The following NEO1 variants were observed in gnomAD, a reference collection of about 807,000 sequenced individuals.
NEO1 encodes neogenin.
Under a neutral mutation model 159.7 loss-of-function variants are expected in NEO1, and 63 were observed. The ratio of observed to expected loss-of-function variants is 0.39; its 90% CI spans 0.32 to 0.49. The LOEUF is 0.49. Ranked by LOEUF, NEO1 falls within the 20% of genes least tolerant of loss-of-function variation. The pLI is 0.85. For synonymous variants in NEO1, 633 were observed against 662.0 expected, an observed-to-expected ratio of 0.96 and a Z score of 0.67; for missense variants, 1,615 against 1,831.0, an observed-to-expected ratio of 0.88 and a Z score of 2.15.
At position 73,288,927 on chromosome 15, in the gene NEO1, A is replaced by G. The variant is rs985629130; in HGVS notation, c.3650-219A>G. 4 of 569,396 alleles carry G rather than the reference A, an allele frequency of 7.0e-6. No individual in the cohort carries two copies. In the East Asian group the frequency reaches 1.2e-4, roughly 17 times the overall value. The allele number at this position is 569,396 out of a possible 1,614,324, so 35.3% of individuals were successfully genotyped here. On this transcript the variant is annotated intron_variant, in intron 24 of 28. Transcript: ENST00000261908. ...GGAGGCTCTTATAGACACCCTGTGA[A>G]GTATGGTGGGCAGCATTGTGACATC...
At chr15:73,060,985 C>CA (rs1202115175) in intron 1 of NEO1, among the ~76,000 whole-genome samples, 3 of 152,190 alleles carry the variant, frequency 2.0e-5, no homozygotes, top group Non-Finnish European at 4.4e-5. Context: ...ACATAGGACT[C>CA]AACCATTATG....
chr15:73,239,442 T>C (rs1230054188), intron 8 of NEO1, among the ~76,000 whole-genome samples: 3 of 152,214 alleles, frequency 2.0e-5, no homozygotes, highest in South Asian at 4.1e-4. Context: ...ACTATGTAAA[T>C]ATCCACTGAT....
chr15:73,087,571 T>A (rs2069435058), intron 1 of NEO1, among the ~76,000 whole-genome samples: 1 of 152,164 alleles, frequency 6.6e-6, no homozygotes, highest in African/African-American at 2.4e-5. Context: ...TCATGTGGAA[T>A]GTTATTTCTT....
chr15:73,287,510 A>C (rs985985426), intron 23 of NEO1, among the ~76,000 whole-genome samples: 2 of 152,212 alleles, frequency 1.3e-5, no homozygotes, highest in Non-Finnish European at 2.9e-5. Flanking sequence ...TGAATGGAGA[A>C]GCTAAAACAC....
chr15:73,154,034 G>A (rs960925078), intron 5 of NEO1, among the ~76,000 whole-genome samples: 3 of 151,980 alleles, frequency 2.0e-5, no homozygotes, highest in African/African-American at 7.3e-5. Context: ...TACATTATAT[G>A]GATATACCTG....
intron 25 of NEO1, among the ~76,000 whole-genome samples, chr15:73,289,685 A>G (rs995613675): frequency 1.3e-5 from 2 of 152,198 alleles, no homozygotes; most frequent in Admixed American, 1.3e-4. Context: ...GCCCACACCT[A>G]TAATCCTAGA....
chr15:73,132,295 C>A (rs1055378673), intron 4 of NEO1, among the ~76,000 whole-genome samples: 1 of 152,176 alleles, frequency 6.6e-6, no homozygotes, highest in African/African-American at 2.4e-5. Context: ...ATCTTTTGCT[C>A]TTTAATTCTG....
At chr15:73,071,866 C>T (rs371492033) in intron 1 of NEO1, among the ~76,000 whole-genome samples, 2 of 151,902 alleles carry the variant, frequency 1.3e-5, no homozygotes. Context: ...AAACAATTGC[C>T]GTTCTCTGAA....
At chr15:73,298,864 T>C (rs1596654041) in intron 27 of NEO1, among the ~76,000 whole-genome samples, 1 of 152,318 alleles carries the variant, frequency 6.6e-6, no homozygotes, top group East Asian at 1.9e-4. Context: ...GAATTGTGTT[T>C]TATGTGCAGC....
intron 4 of NEO1, among the ~76,000 whole-genome samples, chr15:73,133,156 T>C (rs2031339688): frequency 1.3e-5 from 2 of 151,942 alleles, no homozygotes; most frequent in South Asian, 2.1e-4. Context: ...GATGAGTGAA[T>C]AAAGAAATTG....
intron 7 of NEO1, among the ~76,000 whole-genome samples, chr15:73,197,018 C>T (rs897184648): frequency 9.9e-5 from 15 of 152,112 alleles, no homozygotes; most frequent in African/African-American, 3.6e-4. Context: ...ATTCATTAAA[C>T]GCTTACCTAA....
chr15:73,197,660 T>TACTG (rs1292858995), intron 7 of NEO1, among the ~76,000 whole-genome samples: 3 of 150,990 alleles, frequency 2.0e-5, no homozygotes, highest in African/African-American at 7.3e-5. Flanking sequence ...TTTTGTCTGA[T>TACTG]ACTGACATTA....
At chr15:73,157,083 T>A (rs1277672869) in intron 5 of NEO1, among the ~76,000 whole-genome samples, 1 of 152,176 alleles carries the variant, frequency 6.6e-6, no homozygotes, top group Admixed American at 6.5e-5. Flanking sequence ...GATCAGCCTG[T>A]TCAGTCATGG....
chr15:73,253,330 A>C, intron 11 of NEO1, 70 bp from the exon 12 acceptor site: 1 of 887,742 alleles, frequency 1.1e-6, no homozygotes, highest in Non-Finnish European at 1.7e-6. Flanking sequence ...AGTCCAGCCA[A>C]GATGATCACA....
chr15:73,209,267 T>C (rs1238029286), intron 7 of NEO1, among the ~76,000 whole-genome samples: 3 of 152,242 alleles, frequency 2.0e-5, no homozygotes, highest in Non-Finnish European at 4.4e-5. Flanking sequence ...CCTGAACTCA[T>C]TGTATCTGCC....
At chr15:73,171,211 CAA>C (rs1376158305) in intron 5 of NEO1, among the ~76,000 whole-genome samples, 4 of 151,836 alleles carry the variant, frequency 2.6e-5, no homozygotes, top group Non-Finnish European at 2.9e-5. Context: ...ACCTAAGAAA[CAA>C]ATTAACACCA....
intron 1 of NEO1, among the ~76,000 whole-genome samples, chr15:73,063,120 G>A (rs529662888): frequency 6.6e-6 from 1 of 152,276 alleles, no homozygotes; most frequent in African/African-American, 2.4e-5. Context: ...TTTCGCCTAT[G>A]GAGGCTTATT....
intron 5 of NEO1, among the ~76,000 whole-genome samples, chr15:73,153,867 C>T (rs1182890727): frequency 6.6e-6 from 1 of 152,070 alleles, no homozygotes; most frequent in African/African-American, 2.4e-5. Context: ...CCTCTTTAAA[C>T]CTTATCAAAA....
rs2039968883 is a variant in NEO1 at position 73,249,610 on chromosome 15, A to G, written c.1783A>G (p.Thr595Ala). 1 of 1,612,774 alleles carries G rather than the reference A, an allele frequency of 6.2e-7. No individual in the cohort carries two copies. The highest frequency in any genetic ancestry group is 1.1e-5 in the South Asian group (1 of 90,768). ...QDVDVSSHSY[T>A]INGLKKYTEY... ...TGTTGATGTTTCAAGTCACTCTTAC[A>G]CCATTAATGGGTTGAAAAAATATAC... Residue 595 changes from threonine to alanine, a missense_variant, in exon 11 of 29, where the codon ACC (threonine) becomes GCC (alanine). By Grantham distance (58) the Thr-to-Ala change is moderately conservative (BLOSUM62 0). This residue lies in a region of NEO1 where 1,018 missense variants were observed against 1,115.4 expected (regional missense o/e 0.91). Coordinates refer to ENST00000261908, the MANE Select transcript of NEO1 (RefSeq NM_002499.4).
Sources: allele counts gnomAD v4.1 joint callset (sites outside exome capture counted in the v4.1 genomes callset), GRCh38; gene constraint gnomAD v4.1.1; regional missense constraint gnomAD v4.1.1; transcripts MANE v1.5; gene names NCBI Gene and HGNC (gene_info 2026-07-23, HGNC 2026-07-21).